The following ZFHX4 variants were observed in gnomAD, a reference collection of about 807,000 sequenced individuals.
The protein encoded by ZFHX4 is zinc finger homeobox 4.
Under a neutral mutation model 267.6 loss-of-function variants are expected in ZFHX4, and 56 were observed. That is an observed-to-expected ratio of 0.21 (90% confidence interval 0.17 to 0.26). ZFHX4 has a LOEUF of 0.26. Ranked by LOEUF, ZFHX4 falls within the 10% of genes least tolerant of loss-of-function variation. The pLI is 1.00. For missense variants in ZFHX4, 4,332 were observed against 4,420.0 expected, an observed-to-expected ratio of 0.98 and a Z score of 0.56; for synonymous variants, 1,778 against 1,665.6, an observed-to-expected ratio of 1.07 and a Z score of -1.64.
At position 76,850,431 on chromosome 8, in the gene ZFHX4, A is replaced by G. The variant is rs1291167214; in HGVS notation, c.3964+69A>G. On this transcript the variant is annotated intron_variant, in intron 9 of 10. Coordinates refer to ENST00000651372, the MANE Select transcript of ZFHX4 (RefSeq NM_024721.5). ...GGCTTTGCATTTGTGGTGGTGCCCA[A>G]AGATTATTACTATCAAAAGATTTTC... The G allele has an allele frequency of 2.4e-6, 3 of 1,256,994 alleles. No homozygotes were observed. In the East Asian group the frequency reaches 7.6e-5, roughly 32 times the overall value. 77.9% of individuals were successfully genotyped at this position (1,256,994 alleles called of 1,614,324 possible).
chr8:76,750,315 T>C (rs554033827), intron 3 of ZFHX4, among the ~76,000 whole-genome samples: 1 of 152,294 alleles, frequency 6.6e-6, no homozygotes, highest in African/African-American at 2.4e-5. Context: ...TGCTGTTGTA[T>C]AATGACTGAA....
chr8:76,852,660 G>T lies in ZFHX4; in HGVS notation c.5739G>T (p.Leu1913Phe). ...GAGGAAATGCTGCCAAAGCGTTATT[G>T]GAAAACTTTGGTTTTGAACTGGTCA... ...GARGNAAKALLENFGFELVIQ... is the reference protein window; with the variant it reads ...GARGNAAKALFENFGFELVIQ... Residue 1913 changes from leucine (L) to phenylalanine (F), a missense_variant, in exon 10 of 11, where the codon TTG (leucine) becomes TTT (phenylalanine). Transcript: ENST00000651372. 1 of 1,613,714 alleles carries T rather than the reference G, an allele frequency of 6.2e-7. No individual in the cohort carries two copies. The highest frequency in any genetic ancestry group is 2.2e-5 in the East Asian group (1 of 44,818).
intron 3 of ZFHX4, among the ~76,000 whole-genome samples, chr8:76,747,480 G>C (rs562806448): frequency 1.1e-4 from 16 of 152,038 alleles, no homozygotes; most frequent in African/African-American, 3.6e-4. Context: ...TTGTGTCCAC[G>C]TGTTCTCAAG....
chr8:76,681,724 CCTCT>C (rs1452847661), intron 1 of ZFHX4, 104 bp downstream of exon 1: 1 of 348,684 alleles, frequency 2.9e-6, no homozygotes, highest in Non-Finnish European at 5.1e-6. Context: ...TATTTCGCTC[CCTCT>C]CTCTCCCTCT....
intron 3 of ZFHX4, among the ~76,000 whole-genome samples, chr8:76,749,753 T>C (rs1809565777): frequency 6.6e-6 from 1 of 152,188 alleles, no homozygotes; most frequent in Non-Finnish European, 1.5e-5. Context: ...GTTGTTTATC[T>C]TATTCTAGGT....
intron 3 of ZFHX4, among the ~76,000 whole-genome samples, chr8:76,775,404 C>G (rs1810376483): frequency 6.6e-6 from 1 of 152,130 alleles, no homozygotes; most frequent in Admixed American, 6.6e-5. Context: ...GTTCTCTTTA[C>G]AGAAAGAAAC....
Position 76,779,579 on chromosome 8 carries a change from G to T in ZFHX4, c.3325+1140G>T, listed in dbSNP as rs73237569. Among the ~76,000 whole-genome samples, 1,302 of 152,192 alleles carry T rather than the reference G, an allele frequency of 8.6e-3. 22 individuals are homozygous for T. The highest frequency in any genetic ancestry group is 0.03 in the African/African-American group (1,249 of 41,518). On this transcript the variant is annotated intron_variant, in intron 4 of 10. Coordinates refer to ENST00000651372, the MANE Select transcript of ZFHX4 (RefSeq NM_024721.5). The stretch of plus-strand genomic sequence containing the variant: ...TCCCATGGCAAACCCGGACCAATGA[G>T]GGCACTGCAGCAGCGAAAAGTCATC...
At position 76,866,621 on chromosome 8, in the gene ZFHX4, T is replaced by C. The variant is rs2131991451; in HGVS notation, c.*2056T>C. On this transcript the variant is annotated 3_prime_UTR_variant, in exon 11 of 11. Transcript: ENST00000651372. Reference sequence around the variant, plus strand: ...CTTCAGAAAATTGCTTTTGCCTTTTTCATGAATGTTAAGCAGCAGCATTGT... The same window carrying C: ...CTTCAGAAAATTGCTTTTGCCTTTTCCATGAATGTTAAGCAGCAGCATTGT... The C allele has an allele frequency of 6.5e-6, 1 of 152,690 alleles. No individual in the cohort carries two copies. Among genetic ancestry groups the C allele is most frequent in the African/African-American group, 2.4e-5 (1 of 41,566 alleles). The allele number at this position is 152,690 out of a possible 1,614,324, so 9.5% of individuals were successfully genotyped here.
At chr8:76,749,486 G>A (rs186193626) in intron 3 of ZFHX4, among the ~76,000 whole-genome samples, 2 of 152,196 alleles carry the variant, frequency 1.3e-5, no homozygotes, top group East Asian at 1.9e-4. Context: ...CAGAACTTTA[G>A]GTAGTATTTG....
At chr8:76,780,016 A>G (rs1585936975) in intron 4 of ZFHX4, among the ~76,000 whole-genome samples, 1 of 151,832 alleles carries the variant, frequency 6.6e-6, no homozygotes. Flanking sequence ...AAGCAAAAAG[A>G]TATGTTCAAA....
intron 3 of ZFHX4, among the ~76,000 whole-genome samples, chr8:76,773,514 T>C (rs1810322805): frequency 6.6e-6 from 1 of 152,134 alleles, no homozygotes; most frequent in Non-Finnish European, 1.5e-5. Flanking sequence ...TGACAGGTGG[T>C]TTGGAAGTGA....
chr8:76,801,123 GA>G (rs1811106988), intron 4 of ZFHX4, among the ~76,000 whole-genome samples: 1 of 151,660 alleles, frequency 6.6e-6, no homozygotes, highest in Non-Finnish European at 1.5e-5. Context: ...TGACTTAATT[GA>G]CTGGAGAGAA....
At chr8:76,820,969 A>G (rs1811634378) in intron 4 of ZFHX4, among the ~76,000 whole-genome samples, 1 of 152,118 alleles carries the variant, frequency 6.6e-6, no homozygotes, top group Non-Finnish European at 1.5e-5. Flanking sequence ...TATTGTTCGC[A>G]TCCATTTTGG....
intron 3 of ZFHX4, among the ~76,000 whole-genome samples, chr8:76,774,049 C>T (rs34940595): frequency 0.043 from 6,559 of 152,170 alleles, 224 homozygotes; most frequent in Non-Finnish European, 0.062. Context: ...TTCCCTGGAG[C>T]AGACTCTAGT....
chr8:76,716,364 TGTA>T (rs1336565665), intron 3 of ZFHX4, among the ~76,000 whole-genome samples: 2 of 152,190 alleles, frequency 1.3e-5, no homozygotes, highest in Non-Finnish European at 2.9e-5. Context: ...ACAATAATCA[TGTA>T]AGTTAAATTC....
chr8:76,799,790 G>C (rs921767773), intron 4 of ZFHX4, among the ~76,000 whole-genome samples: 1 of 151,718 alleles, frequency 6.6e-6, no homozygotes, highest in Non-Finnish European at 1.5e-5. Context: ...ATGCTTCCTC[G>C]TCACGATGTG....
chr8:76,772,329 A>G (rs1157145829), intron 3 of ZFHX4, among the ~76,000 whole-genome samples: 1 of 152,116 alleles, frequency 6.6e-6, no homozygotes, highest in Non-Finnish European at 1.5e-5. Context: ...TAGTAGATGA[A>G]CTCAGATCTC....
Position 76,770,013 on chromosome 8 carries a change from C to T in ZFHX4, c.3094-8195C>T, listed in dbSNP as rs747942673. ...GCTCTGTGAGTTGGTGCCTGGCTTC[C>T]GCAAAACTGAGTCTGGAGAGGCAAA... On this transcript the variant is annotated intron_variant, in intron 3 of 10. Transcript: ENST00000651372. 3.9e-5 allele frequency among the ~76,000 whole-genome samples: 6 copies of T among 152,086 alleles called. No homozygotes were observed. In the South Asian group the frequency reaches 1.0e-3, roughly 26 times the overall value.
At chr8:76,839,075 G>C (rs1050984067) in intron 5 of ZFHX4, among the ~76,000 whole-genome samples, 3 of 148,032 alleles carry the variant, frequency 2.0e-5, no homozygotes, top group Non-Finnish European at 3.0e-5. Flanking sequence ...GAGAGAGAGA[G>C]AGAGAGAGAG....
Sources: gnomAD v4.1 joint callset for allele counts (sites outside exome capture counted in the v4.1 genomes callset) on GRCh38, gnomAD v4.1.1 for gene constraint, MANE v1.5 for transcripts, NCBI Gene and HGNC (gene_info 2026-07-23, HGNC 2026-07-21) for gene names.